Variants in CSMD1 observed in about 807,000 individuals in gnomAD.
The protein encoded by CSMD1 is CUB and sushi domain-containing protein 1.
Under a neutral mutation model 417.5 loss-of-function variants are expected in CSMD1, and 213 were observed. The observed-to-expected ratio is 0.51, with a 90% confidence interval of 0.46 to 0.57. CSMD1 has a LOEUF of 0.57. Among genes scored for constraint, CSMD1 ranks in the 20% least tolerant of loss-of-function variants. CSMD1 has a pLI of 0.00. For missense variants in CSMD1, 6,923 were observed against 4,529.7 expected (o/e 1.53, Z -15.17); for synonymous variants, 2,862 against 1,736.8 (o/e 1.65, Z -16.11).
At chr8:4,372,504 A>T (rs1436583836) in intron 3 of CSMD1, among the ~76,000 whole-genome samples, 2 of 151,690 alleles carry the variant, frequency 1.3e-5, no homozygotes, top group Admixed American at 1.3e-4. Flanking sequence ...CAAAAAACAG[A>T]AAAAAAGTCC....
intron 3 of CSMD1, among the ~76,000 whole-genome samples, chr8:4,147,030 G>A (rs535067030): frequency 6.6e-6 from 1 of 151,862 alleles, no homozygotes; most frequent in Non-Finnish European, 1.5e-5. Flanking sequence ...GTCAGAGATC[G>A]GGGGTTTTCT....
intron 5 of CSMD1, among the ~76,000 whole-genome samples, chr8:3,886,616 C>G (rs564974424): frequency 6.6e-6 from 1 of 152,228 alleles, no homozygotes; most frequent in Admixed American, 6.5e-5. Context: ...AGATTTGGCC[C>G]ATAGGCTGCA....
intron 7 of CSMD1, among the ~76,000 whole-genome samples, chr8:3,657,725 T>C (rs959445947): frequency 6.6e-6 from 1 of 152,038 alleles, no homozygotes; most frequent in African/African-American, 2.4e-5. Context: ...GGGGTAGCAT[T>C]AGGAGAAATA....
intron 1 of CSMD1, among the ~76,000 whole-genome samples, chr8:4,718,609 G>T (rs1009042850): frequency 6.6e-6 from 1 of 151,932 alleles, no homozygotes; most frequent in Admixed American, 6.6e-5. Context: ...TAGTACGATT[G>T]AATTTTGATA....
chr8:3,429,064 T>C (rs921449301), intron 12 of CSMD1, among the ~76,000 whole-genome samples: 1 of 152,000 alleles, frequency 6.6e-6, no homozygotes, highest in Admixed American at 6.5e-5. Flanking sequence ...TGGGGAGAGA[T>C]GAGTTAACAG....
At chr8:3,429,856 C>T (rs1219713446) in intron 12 of CSMD1, among the ~76,000 whole-genome samples, 1 of 152,150 alleles carries the variant, frequency 6.6e-6, no homozygotes, top group African/African-American at 2.4e-5. Flanking sequence ...ACAGCAACAG[C>T]CAGCACTACT....
rs56272726 is a variant in CSMD1 at position 3,709,680 on chromosome 8, G to GTTTTTTTTTTTTTTTTTTTTTTTT, written c.932-1213_932-1190dup. On this transcript the variant is annotated intron_variant, in intron 6 of 69. Coordinates refer to ENST00000635120, the MANE Select transcript of CSMD1 (RefSeq NM_033225.6). ...GATGGGCTTTAAATTGCAGCAGCAT[G>GTTTTTTTTTTTTTTTTTTTTTTTT]TTTTTTTTTTTTTTTTTTTTTTTTT... is the stretch of plus-strand genomic sequence containing the variant. 3.1e-3 allele frequency among the ~76,000 whole-genome samples: 106 copies of GTTTTTTTTTTTTTTTTTTTTTTTT among 33,674 alleles called. 23 individuals carry two copies. Among genetic ancestry groups the GTTTTTTTTTTTTTTTTTTTTTTTT allele is most frequent in the Non-Finnish European group, 4.0e-3 (70 of 17,534 alleles). The allele number at this position is 33,674 out of a possible 152,430, so 22.1% of individuals were successfully genotyped here.
intron 2 of CSMD1, among the ~76,000 whole-genome samples, chr8:4,470,102 T>C (rs955850992): frequency 1.3e-5 from 2 of 151,894 alleles, no homozygotes; most frequent in Admixed American, 6.6e-5. Flanking sequence ...GATCTCCTGA[T>C]CTCGTGATCC....
intron 36 of CSMD1, among the ~76,000 whole-genome samples, chr8:3,187,599 C>A (rs1796139395): frequency 6.6e-6 from 1 of 152,162 alleles, no homozygotes; most frequent in Non-Finnish European, 1.5e-5. Flanking sequence ...TTCCTGGCTT[C>A]TGCTGCCAGC....
chr8:3,248,199 G>T (rs539590383), intron 26 of CSMD1, among the ~76,000 whole-genome samples: 1 of 152,260 alleles, frequency 6.6e-6, no homozygotes, highest in African/African-American at 2.4e-5. Flanking sequence ...TATGAAAACA[G>T]GAGAAGATTT....
intron 1 of CSMD1, among the ~76,000 whole-genome samples, chr8:4,980,370 G>A (rs144515059): frequency 3.5e-4 from 54 of 152,332 alleles, no homozygotes; most frequent in African/African-American, 1.1e-3. Context: ...GCCCCAGCAA[G>A]GAGCAATAGA....
intron 2 of CSMD1, among the ~76,000 whole-genome samples, chr8:4,424,226 A>G (rs927161540): frequency 1.3e-5 from 2 of 152,044 alleles, no homozygotes; most frequent in African/African-American, 4.8e-5. Context: ...TTGGCTGCAA[A>G]AGACCGCATT....
At chr8:3,024,573 T>A (rs1476432913) in intron 51 of CSMD1, among the ~76,000 whole-genome samples, 2 of 152,188 alleles carry the variant, frequency 1.3e-5, no homozygotes, top group African/African-American at 4.8e-5. Context: ...TCCCAAAGTG[T>A]TGTGATTATA....
chr8:3,839,468 T>TATA (rs1491568430), intron 5 of CSMD1, among the ~76,000 whole-genome samples: 97 of 119,074 alleles, frequency 8.1e-4, no homozygotes, highest in East Asian at 8.1e-3. Context: ...TATTATATAT[T>TATA]ATATAATTAT....
intron 25 of CSMD1, among the ~76,000 whole-genome samples, chr8:3,285,482 G>A (rs1359199651): frequency 6.6e-6 from 1 of 151,620 alleles, no homozygotes; most frequent in African/African-American, 2.4e-5. Flanking sequence ...TACTTCCTGG[G>A]TTCAAGTGAT....
At chr8:4,593,586 G>C (rs115397538) in intron 2 of CSMD1, among the ~76,000 whole-genome samples, 1 of 152,066 alleles carries the variant, frequency 6.6e-6, no homozygotes, top group Non-Finnish European at 1.5e-5. Context: ...CATAATGAAA[G>C]TAGAAAATAA....
rs570392223 is a variant in CSMD1, at chr8:3,878,161, C to G, written c.818+119742G>C. Among the ~76,000 whole-genome samples, 95 of 152,016 alleles carry G rather than the reference C, an allele frequency of 6.2e-4. 2 individuals carry two copies. Among genetic ancestry groups the G allele is most frequent in the Admixed American group, 4.5e-3 (69 of 15,260 alleles). On this transcript the variant is annotated intron_variant, in intron 5 of 69. Coordinates refer to ENST00000635120, the MANE Select transcript of CSMD1 (RefSeq NM_033225.6). ...CTTTTGTCTTTGTACATTTTTTGCA[C>G]GAGAGATTCAAATGGAGAATTCCAA...
chr8:4,597,133 A>G (rs562899353), intron 2 of CSMD1, among the ~76,000 whole-genome samples: 1 of 152,050 alleles, frequency 6.6e-6, no homozygotes, highest in African/African-American at 2.4e-5. Context: ...TAGCATTTGC[A>G]GCTAACAAAA....
At chr8:3,470,538 G>A (rs541180028) in intron 11 of CSMD1, among the ~76,000 whole-genome samples, 1 of 152,068 alleles carries the variant, frequency 6.6e-6, no homozygotes, top group Non-Finnish European at 1.5e-5. Flanking sequence ...TATTTTGTAT[G>A]TACATTTGTG....
Sources: allele counts gnomAD v4.1 joint callset (sites outside exome capture counted in the v4.1 genomes callset), GRCh38; gene constraint gnomAD v4.1.1; transcripts MANE v1.5; gene names NCBI Gene and HGNC (gene_info 2026-07-23, HGNC 2026-07-21).